Variants in RRBP1 observed in about 807,000 individuals in gnomAD.
RRBP1 encodes the protein ribosome-binding protein 1.
In RRBP1, 94 loss-of-function variants were observed where a neutral mutation model predicts 165.2. The observed-to-expected ratio is 0.57, with a 90% CI of 0.48 to 0.68. The LOEUF (loss-of-function observed/expected upper bound fraction) is 0.68, where lower values mean the gene tolerates loss of function less well. Ranked by LOEUF, RRBP1 falls within the 30% of genes least tolerant of loss-of-function variation. The pLI is 0.00. For synonymous variants in RRBP1, 680 were observed against 714.5 expected (o/e 0.95, Z 0.77); for missense variants, 1,676 against 1,763.0 (o/e 0.95, Z 0.88).
chr20:17,621,447 C>T lies in RRBP1; in HGVS notation c.3414+11G>A, dbSNP rs1226943594. On this transcript the variant is annotated intron_variant, in intron 16 of 24. Transcript: ENST00000377813. ...CCAGGGATGCCCAGCTGACAGGTTC[C>T]CAATGCTCACCGTCTCCGCCAGGAT... The T allele has an allele frequency of 1.2e-6, 2 of 1,607,238 alleles. No individual in the cohort carries two copies. Among genetic ancestry groups the T allele is most frequent in the East Asian group, 2.2e-5 (1 of 44,836 alleles).
chr20:17,634,945 C>A (rs2036220948), intron 7 of RRBP1, among the ~76,000 whole-genome samples: 1 of 152,224 alleles, frequency 6.6e-6, no homozygotes, highest in Non-Finnish European at 1.5e-5. Context: ...ACTAAGGGTG[C>A]CAGCGTGCTC....
In RRBP1 at chr20:17,639,126, T is replaced by C. The variant is rs184890999; in HGVS notation, c.2185-2397A>G. 2.6e-5 allele frequency among the ~76,000 whole-genome samples: 4 copies of C among 152,312 alleles called. No individual in the cohort carries two copies. The East Asian group carries it at 7.7e-4, about 29-fold the overall frequency. The stretch of plus-strand genomic sequence containing the variant: ...CCCAGGAACATGACAGCTGGAATGT[T>C]TTTCCAGAAGGTTGTGCCTTCTTGG... On this transcript the variant is annotated intron_variant, in intron 5 of 24. Coordinates refer to ENST00000377813, the MANE Select transcript of RRBP1 (RefSeq NM_001365613.2).
intron 12 of RRBP1, 98 bp downstream of exon 12, chr20:17,625,413 TC>T: frequency 9.8e-7 from 1 of 1,016,996 alleles, no homozygotes; most frequent in Non-Finnish European, 1.5e-6. Flanking sequence ...AGCTCAGCCC[TC>T]CCCCGAGTCC....
In RRBP1 at chr20:17,616,642, C is replaced by G; in HGVS notation, c.3867+90G>C. On this transcript the variant is annotated intron_variant, in intron 21 of 24. Coordinates refer to ENST00000377813, the MANE Select transcript of RRBP1 (RefSeq NM_001365613.2). ...GGGGAAGCAGCGGAGGCTGGAGCAG[C>G]CAGTGCGGGGTTTAGTCCGAACGGA... The G allele has an allele frequency of 3.6e-6, 3 of 832,892 alleles. No homozygotes were observed. In the Admixed American group the frequency reaches 7.2e-5, roughly 20 times the overall value. 51.6% of individuals were successfully genotyped at this position (832,892 alleles called of 1,614,324 possible). A position where few individuals can be genotyped will look rare whatever the true frequency, so the allele number is the denominator to read the frequency against.
intron 13 of RRBP1, 78 bp downstream of exon 13, chr20:17,624,498 G>T (rs2035977664): frequency 2.1e-6 from 2 of 931,378 alleles, no homozygotes; most frequent in Non-Finnish European, 3.4e-6. Flanking sequence ...GTGTCCTAGT[G>T]CATCTGTACG....
intron 5 of RRBP1, 65 bp from the exon 6 acceptor site, chr20:17,636,794 A>G (rs1348140070): frequency 6.3e-7 from 1 of 1,591,654 alleles, no homozygotes; most frequent in Non-Finnish European, 8.6e-7. Context: ...ATCAGAAGGG[A>G]GCAAGAGCAT....
At chr20:17,620,690 G>C (rs139654186) in intron 17 of RRBP1, 25 bp downstream of exon 17, 4 of 1,576,354 alleles carry the variant, frequency 2.5e-6, no homozygotes, top group Non-Finnish European at 2.6e-6. Flanking sequence ...CCACGGCGCC[G>C]GGAGGCAGGC....
chr20:17,627,640 C>A lies in RRBP1; in HGVS notation c.2792G>T (p.Ser931Ile). 1 of 1,612,012 alleles carries A rather than the reference C, an allele frequency of 6.2e-7. No individual in the cohort carries two copies. The highest frequency in any genetic ancestry group is 1.1e-5 in the South Asian group (1 of 90,832). Residue 931 changes from serine (S) to isoleucine (I), a missense_variant, in exon 10 of 25, where the codon AGC becomes ATC. Transcript: ENST00000377813. ...GAGGCCACTCAGCTCCTCGCATTTG[C>A]TGCGCACCTCCGCCTCGGAGGACTG... ...KLQSSEAEVRSKCEELSGLHG... is the reference protein window; with the variant it reads ...KLQSSEAEVRIKCEELSGLHG...
intron 2 of RRBP1, among the ~76,000 whole-genome samples, chr20:17,670,023 T>A (rs1043688909): frequency 2.6e-5 from 4 of 152,158 alleles, no homozygotes; most frequent in Admixed American, 2.6e-4. Flanking sequence ...AAGGGAAAGA[T>A]TTAGGTGTCT....
chr20:17,651,687 T>A (rs2036562190), intron 3 of RRBP1, among the ~76,000 whole-genome samples: 1 of 152,114 alleles, frequency 6.6e-6, no homozygotes, highest in South Asian at 2.1e-4. Flanking sequence ...GTGATTGGGA[T>A]GGAGCAAAAA....
At chr20:17,625,972 G>C (rs925612206) in intron 11 of RRBP1, among the ~76,000 whole-genome samples, 8 of 152,136 alleles carry the variant, frequency 5.3e-5, no homozygotes, top group Admixed American at 3.9e-4. Context: ...ATCACCCCAA[G>C]AGCGTCCCCA....
chr20:17,656,383 T>G (rs1300961967), intron 3 of RRBP1, among the ~76,000 whole-genome samples: 1 of 152,224 alleles, frequency 6.6e-6, no homozygotes, highest in Non-Finnish European at 1.5e-5. Flanking sequence ...AGTGGCCATC[T>G]TCCACCATCT....
chr20:17,614,990 G>A, intron 23 of RRBP1, 110 bp from the exon 24 acceptor site: 1 of 1,222,574 alleles, frequency 8.2e-7, no homozygotes, highest in African/African-American at 1.5e-5. Context: ...GGGGACACAA[G>A]GAAGGCAACT....
Position 17,635,586 on chromosome 20 carries a change from G to A in RRBP1, c.2416C>T (p.Arg806Trp), listed in dbSNP as rs1341462855. The A allele has an allele frequency of 2.5e-6, 4 of 1,612,652 alleles. No individual in the cohort carries two copies. The highest frequency in any genetic ancestry group is 8.5e-7 in the Non-Finnish European group (1 of 1,179,618). The change falls in exon 7 of 25, where the codon CGG becomes TGG. Residue 806 changes from arginine (R) to tryptophan (W), a missense_variant. By Grantham distance (101) the Arg-to-Trp change is moderately radical. Transcript: ENST00000377813. ...CTCGTGGCCTGGTTCAAGGCATCCCGCAGGATGGAGTTCTCCTGCTGCAGG... is the reference window on the plus strand; with the variant it reads ...CTCGTGGCCTGGTTCAAGGCATCCCACAGGATGGAGTTCTCCTGCTGCAGG... ...ARLQQENSIL[R>W]DALNQATSQV...
chr20:17,632,393 A>C (rs1254713037), intron 8 of RRBP1, among the ~76,000 whole-genome samples: 2 of 152,194 alleles, frequency 1.3e-5, no homozygotes, highest in African/African-American at 4.8e-5. Context: ...CCTTTAAAAC[A>C]CAATCATGGG....
intron 2 of RRBP1, among the ~76,000 whole-genome samples, chr20:17,663,924 G>A (rs377546976): frequency 1.3e-5 from 2 of 152,244 alleles, no homozygotes; most frequent in East Asian, 3.9e-4. Flanking sequence ...TGTCAAATAC[G>A]TACTTTTACT....
In RRBP1 at chr20:17,618,410, G is replaced by A. The variant is rs144155582; in HGVS notation, c.3759+186C>T. Among the ~76,000 whole-genome samples the A allele has an allele frequency of 3.3e-3, 500 of 152,334 alleles. 1 individual carries two copies. Among genetic ancestry groups the A allele is most frequent in the Non-Finnish European group, 4.9e-3 (330 of 68,030 alleles). The stretch of plus-strand genomic sequence containing the variant: ...CCTGGTCCCAACAGCCACAGGCCCA[G>A]CTCAGAGTTCTGGGCAAATGTGCAG... On this transcript the variant is annotated intron_variant, in intron 20 of 24. Coordinates refer to ENST00000377813, the MANE Select transcript of RRBP1 (RefSeq NM_001365613.2).
At chr20:17,625,415 C>T in intron 12 of RRBP1, 97 bp downstream of exon 12, 8 of 1,047,356 alleles carry the variant, frequency 7.6e-6, no homozygotes, top group Non-Finnish European at 1.2e-5. Context: ...CTCAGCCCTC[C>T]CCCGAGTCCA....
intron 2 of RRBP1, among the ~76,000 whole-genome samples, chr20:17,676,196 A>G (rs1467094600): frequency 6.6e-6 from 1 of 152,172 alleles, no homozygotes; most frequent in Non-Finnish European, 1.5e-5. Flanking sequence ...GTGATAGAAC[A>G]AGACCCTCTC....
Sources: allele counts gnomAD v4.1 joint callset (sites outside exome capture counted in the v4.1 genomes callset), GRCh38; gene constraint gnomAD v4.1.1; transcripts MANE v1.5; gene names NCBI Gene and HGNC (gene_info 2026-07-23, HGNC 2026-07-21).